COMMD10: variants seen among roughly 807,000 people sequenced by gnomAD.
COMMD10 encodes COMM domain-containing protein 10.
A neutral mutation model predicts 28.9 loss-of-function variants in COMMD10; 33 were observed. The observed-to-expected ratio is 1.14, with a 90% CI of 0.87 to 1.53. COMMD10 has a LOEUF of 1.53. Ranked by LOEUF, COMMD10 falls within the 40% of genes most tolerant of loss-of-function variation. The probability of loss-of-function intolerance (pLI) is 0.00; values close to 1 mark genes in which losing one functional copy is unlikely to be tolerated. For missense variants in COMMD10, 310 were observed against 233.4 expected (o/e 1.33, Z -2.14); for synonymous variants, 110 against 81.7 (o/e 1.35, Z -1.87).
At chr5:116,249,720 T>C (rs1445304641) in intron 5 of COMMD10, among the ~76,000 whole-genome samples, 1 of 150,680 alleles carries the variant, frequency 6.6e-6, no homozygotes, top group Non-Finnish European at 1.5e-5. Context: ...CTATAGCCAA[T>C]TAAAATCTTA....
chr5:116,177,181 A>G (rs930888313), intron 5 of COMMD10, among the ~76,000 whole-genome samples: 2 of 152,084 alleles, frequency 1.3e-5, no homozygotes, highest in African/African-American at 4.8e-5. Flanking sequence ...GATCCAGTGG[A>G]CAAAGTGTCT....
At chr5:116,267,351 G>T (rs1023209680) in intron 5 of COMMD10, among the ~76,000 whole-genome samples, 2 of 151,870 alleles carry the variant, frequency 1.3e-5, no homozygotes, top group Non-Finnish European at 2.9e-5. Flanking sequence ...ATTCACAATG[G>T]CTTCAAAGAG....
rs1312832430 is a variant in COMMD10, at chr5:116,251,609, C to T, written c.511-39908C>T. On this transcript the variant is annotated intron_variant, in intron 5 of 6. Coordinates refer to ENST00000274458, the MANE Select transcript of COMMD10 (RefSeq NM_016144.4). ...ATTTCCAATTTCATCCATGTCCCTACAAAGGACATGAACTCATCATTTTTT... is the reference window on the plus strand; with the variant it reads ...ATTTCCAATTTCATCCATGTCCCTATAAAGGACATGAACTCATCATTTTTT... Among the ~76,000 whole-genome samples, 9 of 151,254 alleles carry T rather than the reference C, an allele frequency of 6.0e-5. No homozygotes were observed. The East Asian group carries it at 1.6e-3, about 26-fold the overall frequency.
At chr5:116,142,011 G>A (rs190003263) in intron 5 of COMMD10, among the ~76,000 whole-genome samples, 15 of 151,796 alleles carry the variant, frequency 9.9e-5, no homozygotes, top group Admixed American at 7.9e-4. Flanking sequence ...TACCAAAGCT[G>A]TATGTGCTTA....
intron 4 of COMMD10, 128 bp from the exon 5 acceptor site, chr5:116,133,940 C>A: frequency 3.3e-6 from 2 of 599,138 alleles, no homozygotes; most frequent in Non-Finnish European, 6.0e-6. Context: ...GTTAAAAGAG[C>A]CCTGGAACTG....
At chr5:116,140,112 G>A (rs899130676) in intron 5 of COMMD10, among the ~76,000 whole-genome samples, 2 of 151,476 alleles carry the variant, frequency 1.3e-5, no homozygotes, top group African/African-American at 4.8e-5. Context: ...ATATAAGTGA[G>A]ATCATGCAGT....
At chr5:116,128,388 A>G (rs1187187439) in intron 4 of COMMD10, among the ~76,000 whole-genome samples, 1 of 152,038 alleles carries the variant, frequency 6.6e-6, no homozygotes, top group Non-Finnish European at 1.5e-5. Flanking sequence ...TATTTTGATC[A>G]TATTTAAACC....
chr5:116,172,582 T>C (rs1020767115), intron 5 of COMMD10, among the ~76,000 whole-genome samples: 1 of 152,028 alleles, frequency 6.6e-6, no homozygotes, highest in African/African-American at 2.4e-5. Context: ...TCCTACAGAG[T>C]TTTAGTCTGA....
chr5:116,114,177 G>A (rs1328165713), intron 4 of COMMD10, among the ~76,000 whole-genome samples: 2 of 152,128 alleles, frequency 1.3e-5, no homozygotes, highest in Non-Finnish European at 2.9e-5. Context: ...AGCAGTGGTT[G>A]TCTAAGCAGG....
chr5:116,136,772 G>T (rs982590703), intron 5 of COMMD10, among the ~76,000 whole-genome samples: 37 of 152,218 alleles, frequency 2.4e-4, no homozygotes, highest in Middle Eastern at 3.4e-3. Flanking sequence ...ATGCATATAT[G>T]CACATTGATT....
chr5:116,149,077 C>T (rs888740575), intron 5 of COMMD10, among the ~76,000 whole-genome samples: 7 of 146,424 alleles, frequency 4.8e-5, no homozygotes, highest in Admixed American at 2.8e-4. Flanking sequence ...GTTCAATTCC[C>T]ACCTATGACA....
At chr5:116,265,778 C>T (rs529766715) in intron 5 of COMMD10, among the ~76,000 whole-genome samples, 1 of 151,634 alleles carries the variant, frequency 6.6e-6, no homozygotes, top group Non-Finnish European at 1.5e-5. Context: ...TCATAATTTG[C>T]TCAAGGTCAC....
At chr5:116,098,427 G>A (rs1003238121) in intron 4 of COMMD10, among the ~76,000 whole-genome samples, 3 of 152,152 alleles carry the variant, frequency 2.0e-5, no homozygotes, top group Non-Finnish European at 2.9e-5. Context: ...CCTGGATTTC[G>A]TATTCATGGA....
At chr5:116,230,789 A>T (rs1749510645) in intron 5 of COMMD10, among the ~76,000 whole-genome samples, 1 of 152,098 alleles carries the variant, frequency 6.6e-6, no homozygotes, top group Non-Finnish European at 1.5e-5. Flanking sequence ...AAGTTCTTGA[A>T]GTTGCCTTGA....
chr5:116,147,464 T>G (rs981642445), intron 5 of COMMD10, among the ~76,000 whole-genome samples: 31 of 151,900 alleles, frequency 2.0e-4, no homozygotes, highest in Non-Finnish European at 3.8e-4. Context: ...AATCAATGAA[T>G]AGCAAATTAT....
intron 5 of COMMD10, among the ~76,000 whole-genome samples, chr5:116,219,358 G>C (rs988202282): frequency 3.9e-5 from 6 of 152,074 alleles, no homozygotes; most frequent in African/African-American, 1.4e-4. Context: ...GCTCCTCACA[G>C]ATAGAAACTG....
intron 5 of COMMD10, among the ~76,000 whole-genome samples, chr5:116,154,018 A>T (rs912552821): frequency 1.3e-5 from 2 of 152,116 alleles, no homozygotes; most frequent in East Asian, 3.9e-4. Context: ...CTCAACCACA[A>T]TAAAAGTAGG....
In COMMD10 at chr5:116,288,872, CTTTTTTTTTTT is replaced by C. The variant is rs1157658912; in HGVS notation, c.511-2628_511-2618del. On this transcript the variant is annotated intron_variant, in intron 5 of 6. Transcript: ENST00000274458. ...GTTTTCAATTGTTGGTGTTCTCTCT[CTTTTTTTTTTT>C]TTTTTTTTTTTTTTTTGTGAGACAG... is the stretch of plus-strand genomic sequence containing the variant. 1.3e-4 allele frequency among the ~76,000 whole-genome samples: 14 copies of C among 104,380 alleles called. No homozygotes were observed. The South Asian group carries it at 3.2e-3, about 24-fold the overall frequency. 68.5% of individuals were successfully genotyped at this position (104,380 alleles called of 152,430 possible). A position where few individuals can be genotyped will look rare whatever the true frequency, so the allele number is the denominator to read the frequency against.
chr5:116,260,812 A>G (rs1405461134), intron 5 of COMMD10, among the ~76,000 whole-genome samples: 2 of 151,794 alleles, frequency 1.3e-5, no homozygotes, highest in East Asian at 3.9e-4. Flanking sequence ...GTATTTTGAA[A>G]CAAAGTTTGC....
Sources: allele counts gnomAD v4.1 joint callset (sites outside exome capture counted in the v4.1 genomes callset), GRCh38; gene constraint gnomAD v4.1.1; transcripts MANE v1.5; gene names NCBI Gene and HGNC (gene_info 2026-07-23, HGNC 2026-07-21).